BCL11A: variants seen among roughly 807,000 people sequenced by gnomAD.
The protein encoded by BCL11A is BCL11 transcription factor A.
BCL11A carries 2 observed loss-of-function variants against 55.9 expected under a neutral mutation model. The ratio of observed to expected loss-of-function variants is 0.04; its 90% CI spans 0.01 to 0.11. The LOEUF (loss-of-function observed/expected upper bound fraction) is 0.11. Ranked by LOEUF, BCL11A falls within the 10% of genes least tolerant of loss-of-function variation. The pLI, the probability that BCL11A is intolerant of heterozygous loss-of-function variation, is 1.00. For synonymous variants in BCL11A, 465 were observed against 473.4 expected (o/e 0.98, Z 0.23); for missense variants, 817 against 1,137.1 (o/e 0.72, Z 4.05).
At chr2:60,547,776 T>A (rs1266922712) in intron 1 of BCL11A, among the ~76,000 whole-genome samples, 3 of 152,120 alleles carry the variant, frequency 2.0e-5, no homozygotes. Flanking sequence ...CCAGGCTGAA[T>A]ATTGAGGGGG....
downstream of BCL11A, among the ~76,000 whole-genome samples, chr2:60,453,756 C>G (rs544055844): frequency 2.0e-5 from 3 of 152,330 alleles, no homozygotes; most frequent in Non-Finnish European, 2.9e-5. Context: ...GCACAGCCCC[C>G]CTATGGGTTT....
At chr2:60,520,938 T>C (rs1459624449) in intron 2 of BCL11A, among the ~76,000 whole-genome samples, 1 of 152,156 alleles carries the variant, frequency 6.6e-6, no homozygotes, top group African/African-American at 2.4e-5. Context: ...AAAAAATTAT[T>C]CCAGCTCTGT....
At chr2:60,505,692 T>C (rs951652851) in intron 2 of BCL11A, among the ~76,000 whole-genome samples, 2 of 152,136 alleles carry the variant, frequency 1.3e-5, no homozygotes, top group Non-Finnish European at 2.9e-5. Context: ...CCACATGCAT[T>C]CCCACCTCCC....
chr2:60,460,115 T>C lies in BCL11A; in HGVS notation c.*289A>G. 8.9e-7 allele frequency: 1 copy of C among 1,123,066 alleles called. No individual in the cohort carries two copies. Among genetic ancestry groups the C allele is most frequent in the East Asian group, 4.3e-5 (1 of 23,314 alleles). The allele number at this position is 1,123,066 out of a possible 1,614,324, so 69.6% of individuals were successfully genotyped here. ...AGAAAGGCTCAAAGTTTGCGTAAAA[T>C]GCAATAGTATTGCCCCATACAGATC... On this transcript the variant is annotated 3_prime_UTR_variant, in exon 4 of 4. Coordinates refer to ENST00000642384, the MANE Select transcript of BCL11A (RefSeq NM_022893.4).
At chr2:60,548,346 T>C (rs1208280882) in intron 1 of BCL11A, among the ~76,000 whole-genome samples, 1 of 150,994 alleles carries the variant, frequency 6.6e-6, no homozygotes, top group African/African-American at 2.4e-5. Context: ...TTTTTTTTTT[T>C]GTTCCCAAGG....
At chr2:60,495,065 C>T (rs967599018) in intron 2 of BCL11A, among the ~76,000 whole-genome samples, 5 of 152,174 alleles carry the variant, frequency 3.3e-5, no homozygotes, top group Admixed American at 6.5e-5. Context: ...ACCTCCTTTA[C>T]AATTTTGGGA....
At chr2:60,486,033 A>AT (rs919066228) in intron 2 of BCL11A, among the ~76,000 whole-genome samples, 4 of 152,144 alleles carry the variant, frequency 2.6e-5, no homozygotes, top group African/African-American at 9.7e-5. Context: ...TCTTTTTAGT[A>AT]TGTTTAGGGA....
At chr2:60,493,808 AAAG>A (rs1356885359) in intron 2 of BCL11A, among the ~76,000 whole-genome samples, 1 of 152,164 alleles carries the variant, frequency 6.6e-6, no homozygotes, top group Non-Finnish European at 1.5e-5. Context: ...TGTGGACAGC[AAAG>A]CTTCAGTGCA....
intron 2 of BCL11A, among the ~76,000 whole-genome samples, chr2:60,497,908 G>A (rs45442493): frequency 6.6e-6 from 1 of 152,092 alleles, no homozygotes; most frequent in Admixed American, 6.5e-5. Context: ...AGTGAGCCAG[G>A]TGATAGAAGG....
intron 1 of BCL11A, among the ~76,000 whole-genome samples, chr2:60,551,729 G>A (rs1403397429): frequency 2.6e-5 from 4 of 151,606 alleles, no homozygotes; most frequent in Admixed American, 6.6e-5. Context: ...CACGGGCCAG[G>A]CTGGCGCGGA....
intron 2 of BCL11A, chr2:60,541,700 G>C: frequency 6.2e-6 from 3 of 486,040 alleles, no homozygotes; most frequent in Non-Finnish European, 1.1e-5. Flanking sequence ...TCTGGATTTT[G>C]AAGGTAAGTA....
intron 2 of BCL11A, among the ~76,000 whole-genome samples, chr2:60,509,799 G>A (rs780197023): frequency 6.6e-6 from 1 of 152,106 alleles, no homozygotes; most frequent in African/African-American, 2.4e-5. Flanking sequence ...TTCCCCTCAC[G>A]ATCTTCCTGA....
chr2:60,528,851 G>A (rs1669323757), intron 2 of BCL11A, among the ~76,000 whole-genome samples: 2 of 152,218 alleles, frequency 1.3e-5, no homozygotes, highest in South Asian at 2.1e-4. Flanking sequence ...CCCCCGGAGC[G>A]AGTAATGTCT....
chr2:60,497,819 C>T (rs1481746547), intron 2 of BCL11A, among the ~76,000 whole-genome samples: 1 of 152,116 alleles, frequency 6.6e-6, no homozygotes, highest in African/African-American at 2.4e-5. Flanking sequence ...TCTCCCTTTG[C>T]TGATGATCCA....
At chr2:60,525,011 A>G (rs997009846) in intron 2 of BCL11A, 1 of 152,244 alleles carries the variant, frequency 6.6e-6, no homozygotes, top group African/African-American at 2.4e-5. Flanking sequence ...GCTGTCTTCA[A>G]CACTAACAGA....
chr2:60,519,294 T>C (rs1190531612), intron 2 of BCL11A, among the ~76,000 whole-genome samples: 3 of 152,184 alleles, frequency 2.0e-5, no homozygotes, highest in Admixed American at 1.3e-4. Flanking sequence ...AACCTCCATA[T>C]TGAGAGACAT....
chr2:60,491,258 G>A (rs552110937), intron 2 of BCL11A, among the ~76,000 whole-genome samples: 1 of 152,318 alleles, frequency 6.6e-6, no homozygotes, highest in African/African-American at 2.4e-5. Flanking sequence ...TATTCTTAAT[G>A]CTGTTTTAAA....
At chr2:60,527,537 T>C (rs1669258627) in intron 2 of BCL11A, 1 of 152,338 alleles carries the variant, frequency 6.6e-6, no homozygotes, top group Non-Finnish European at 1.5e-5. Context: ...TTGACCCACA[T>C]GGATTCTCAG....
At chr2:60,549,578 C>A (rs144047224) in intron 1 of BCL11A, among the ~76,000 whole-genome samples, 383 of 152,312 alleles carry the variant, frequency 2.5e-3, no homozygotes, top group South Asian at 6.4e-3. Context: ...AGGCTCCCGC[C>A]GCGCTTGCTG....
Sources: gnomAD v4.1 joint callset for allele counts (sites outside exome capture counted in the v4.1 genomes callset) on GRCh38, gnomAD v4.1.1 for gene constraint, MANE v1.5 for transcripts, NCBI Gene and HGNC (gene_info 2026-07-23, HGNC 2026-07-21) for gene names.